Variants in CSMD1 observed in about 807,000 individuals in gnomAD.
CSMD1 encodes the protein CUB and sushi domain-containing protein 1.
In CSMD1, 213 loss-of-function variants were observed where a neutral mutation model predicts 417.5. The observed-to-expected ratio is 0.51, with a 90% CI of 0.46 to 0.57. The LOEUF is 0.57. Ranked by LOEUF, CSMD1 falls within the 20% of genes least tolerant of loss-of-function variation. The pLI is 0.00. For missense variants in CSMD1, 6,923 were observed against 4,529.7 expected, an observed-to-expected ratio of 1.53 and a Z score of -15.17; for synonymous variants, 2,862 against 1,736.8, an observed-to-expected ratio of 1.65 and a Z score of -16.11.
chr8:3,669,181 T>C (rs528385196), intron 7 of CSMD1, among the ~76,000 whole-genome samples: 20 of 152,342 alleles, frequency 1.3e-4, no homozygotes, highest in Non-Finnish European at 2.4e-4. Flanking sequence ...AGCATAAAGT[T>C]ATGTTTTAAT....
intron 3 of CSMD1, among the ~76,000 whole-genome samples, chr8:4,261,792 T>G (rs1240266469): frequency 6.6e-6 from 1 of 152,150 alleles, no homozygotes. Flanking sequence ...AGTTTGATAA[T>G]GGTAATCATT....
At chr8:3,016,870 A>G (rs1808878972) in intron 52 of CSMD1, among the ~76,000 whole-genome samples, 1 of 152,182 alleles carries the variant, frequency 6.6e-6, no homozygotes, top group Non-Finnish European at 1.5e-5. Flanking sequence ...CAGGCAGCCA[A>G]CTATTCAACA....
chr8:3,353,541 C>G (rs1418719177), intron 21 of CSMD1, among the ~76,000 whole-genome samples: 1 of 152,192 alleles, frequency 6.6e-6, no homozygotes, highest in African/African-American at 2.4e-5. Context: ...CGAGAGCGCT[C>G]CAGACCCTGG....
chr8:4,902,402 G>A (rs1339234965), intron 1 of CSMD1, among the ~76,000 whole-genome samples: 1 of 147,384 alleles, frequency 6.8e-6, no homozygotes, highest in East Asian at 2.1e-4. Context: ...GTGCCACTTA[G>A]CAACAGAACA....
At chr8:3,484,472 A>C (rs1048816413) in intron 11 of CSMD1, among the ~76,000 whole-genome samples, 3 of 152,184 alleles carry the variant, frequency 2.0e-5, no homozygotes, top group Non-Finnish European at 4.4e-5. Flanking sequence ...AATATGTAAA[A>C]CTGTAAAACT....
At chr8:4,284,955 G>T (rs933945936) in intron 3 of CSMD1, among the ~76,000 whole-genome samples, 13 of 152,178 alleles carry the variant, frequency 8.5e-5, no homozygotes, top group African/African-American at 2.7e-4. Flanking sequence ...CTTGGGCAAA[G>T]TAACCTCACC....
rs1797156327 is a variant in CSMD1 at position 4,419,988 on chromosome 8, G to A, written c.380C>T (p.Ala127Val). ...ILTLWFTTDFAVSAQGFKALY... is the reference protein window; with the variant it reads ...ILTLWFTTDFVVSAQGFKALY... ...TGCTTTGAAACCTTGGGCACTCACA[G>A]CGAAGTCTGTCGTGAACCACAGAGT... The change falls in exon 3 of 70, where the codon GCT becomes GTT. Residue 127 changes from alanine (A) to valine (V), a missense_variant. Transcript: ENST00000635120. The A allele has an allele frequency of 1.3e-6, 2 of 1,588,662 alleles. No homozygotes were observed. Among genetic ancestry groups the A allele is most frequent in the Non-Finnish European group, 1.7e-6 (2 of 1,166,512 alleles).
rs756087754 is a variant in CSMD1, at chr8:3,359,283, C to G, written c.3173G>C (p.Gly1058Ala). Residue 1058 changes from glycine (G) to alanine (A), a missense_variant, in exon 21 of 70, where the codon GGT becomes GCT. Transcript: ENST00000635120. ...PGVPAFSRRI[G>A]FHFGVGDSLT... ...AGAGTCTCCCACACCAAAGTGAAAACCAATTCTTCGGCTGAAGGCAGGGAC... is the reference window on the plus strand; with the variant it reads ...AGAGTCTCCCACACCAAAGTGAAAAGCAATTCTTCGGCTGAAGGCAGGGAC... 6.2e-7 allele frequency: 1 copy of G among 1,613,874 alleles called. No individual in the cohort carries two copies. The highest frequency in any genetic ancestry group is 1.3e-5 in the African/African-American group (1 of 75,014).
intron 1 of CSMD1, among the ~76,000 whole-genome samples, chr8:4,655,345 C>A (rs1206668465): frequency 6.6e-6 from 1 of 152,006 alleles, no homozygotes; most frequent in Non-Finnish European, 1.5e-5. Flanking sequence ...AATCGACCTG[C>A]TGAAGGTTTG....
intron 3 of CSMD1, among the ~76,000 whole-genome samples, chr8:4,188,090 G>C (rs892792911): frequency 6.6e-6 from 1 of 152,006 alleles, no homozygotes; most frequent in African/African-American, 2.4e-5. Flanking sequence ...GTGACTGCTG[G>C]CAGGATGCAC....
intron 3 of CSMD1, among the ~76,000 whole-genome samples, chr8:4,336,981 T>C (rs1475003865): frequency 6.6e-6 from 1 of 152,076 alleles, no homozygotes; most frequent in African/African-American, 2.4e-5. Context: ...ATTTGCCGTG[T>C]TTTCTTCCCA....
chr8:3,764,268 G>C (rs1216874912), intron 5 of CSMD1, among the ~76,000 whole-genome samples: 1 of 152,176 alleles, frequency 6.6e-6, no homozygotes, highest in East Asian at 1.9e-4. Context: ...CACACTGCCT[G>C]TGTTCCCGTC....
chr8:4,458,501 G>C (rs1799620591), intron 2 of CSMD1, among the ~76,000 whole-genome samples: 1 of 152,072 alleles, frequency 6.6e-6, no homozygotes, highest in Non-Finnish European at 1.5e-5. Flanking sequence ...ATGAGAAATA[G>C]ATGAAAATTC....
intron 26 of CSMD1, among the ~76,000 whole-genome samples, chr8:3,263,760 C>T (rs984942214): frequency 6.6e-6 from 1 of 152,126 alleles, no homozygotes; most frequent in Non-Finnish European, 1.5e-5. Flanking sequence ...AGTCAACTAA[C>T]TTTCTTTAAT....
chr8:4,217,606 C>T (rs921617398), intron 3 of CSMD1, among the ~76,000 whole-genome samples: 3 of 149,682 alleles, frequency 2.0e-5, no homozygotes, highest in African/African-American at 7.4e-5. Context: ...GGTGAACAGG[C>T]AAGTTATCTT....
rs149419217 is a variant in CSMD1, at chr8:3,399,025, T to C, written c.2405+366A>G. Reference sequence around the variant, plus strand: ...CCAGAACAGGAGAGCTGATTTCCTCTACCACAGAAGACACCTAAGGGACCA... The same window carrying C: ...CCAGAACAGGAGAGCTGATTTCCTCCACCACAGAAGACACCTAAGGGACCA... On this transcript the variant is annotated intron_variant, in intron 16 of 69. Coordinates refer to ENST00000635120, the MANE Select transcript of CSMD1 (RefSeq NM_033225.6). Among the ~76,000 whole-genome samples, 705 of 152,234 alleles carry C rather than the reference T, an allele frequency of 4.6e-3. 4 individuals are homozygous for C. The highest frequency in any genetic ancestry group is 0.016 in the African/African-American group (658 of 41,542).
intron 3 of CSMD1, among the ~76,000 whole-genome samples, chr8:4,032,345 T>C (rs565370022): frequency 2.0e-5 from 3 of 152,332 alleles, no homozygotes; most frequent in South Asian, 4.1e-4. Context: ...GAGAAAAATA[T>C]AGTCCTGCTT....
At chr8:3,282,473 TA>T (rs1451547900) in intron 26 of CSMD1, among the ~76,000 whole-genome samples, 1 of 152,172 alleles carries the variant, frequency 6.6e-6, no homozygotes, top group Non-Finnish European at 1.5e-5. Context: ...TTTTGCTAAA[TA>T]AGGCCAATGA....
intron 2 of CSMD1, among the ~76,000 whole-genome samples, chr8:4,600,781 T>A (rs1227769933): frequency 6.6e-6 from 1 of 152,176 alleles, no homozygotes; most frequent in Non-Finnish European, 1.5e-5. Context: ...AAATTGTTAG[T>A]AACTTCAGAC....
Sources: gnomAD v4.1 joint callset for allele counts (sites outside exome capture counted in the v4.1 genomes callset) on GRCh38, gnomAD v4.1.1 for gene constraint, MANE v1.5 for transcripts, NCBI Gene and HGNC (gene_info 2026-07-23, HGNC 2026-07-21) for gene names.